The following CPPED1 variants were observed in gnomAD, a reference collection of about 807,000 sequenced individuals.
CPPED1 encodes the protein calcineurin like phosphoesterase domain containing 1, also known as serine/threonine-protein phosphatase CPPED1.
A neutral mutation model predicts 28.0 loss-of-function variants in CPPED1; 28 were observed. The observed-to-expected ratio is 1.00, with a 90% CI of 0.74 to 1.37. The LOEUF (loss-of-function observed/expected upper bound fraction) is 1.37. Among genes scored for constraint, CPPED1 ranks in the 40% most tolerant of loss-of-function variants. CPPED1 has a pLI of 0.00. For missense variants in CPPED1, 504 were observed against 416.5 expected (o/e 1.21, Z -1.83); for synonymous variants, 198 against 180.2 (o/e 1.10, Z -0.79).
chr16:12,696,859 T>C (rs1242714928), intron 3 of CPPED1, among the ~76,000 whole-genome samples: 1 of 152,072 alleles, frequency 6.6e-6, no homozygotes, highest in Non-Finnish European at 1.5e-5. Context: ...AAATGTTTAG[T>C]GGCTTATCCC....
chr16:12,747,374 G>A (rs2080296522), intron 2 of CPPED1, among the ~76,000 whole-genome samples: 1 of 151,918 alleles, frequency 6.6e-6, no homozygotes, highest in Non-Finnish European at 1.5e-5. Context: ...TGATGCTGCA[G>A]GGAGCCATGA....
At chr16:12,750,369 A>C (rs949626450) in intron 2 of CPPED1, among the ~76,000 whole-genome samples, 1 of 152,154 alleles carries the variant, frequency 6.6e-6, no homozygotes, top group Non-Finnish European at 1.5e-5. Flanking sequence ...TCTTCCTTTC[A>C]TTTGAACGCT....
intron 2 of CPPED1, among the ~76,000 whole-genome samples, chr16:12,772,026 G>A (rs917954518): frequency 1.3e-5 from 2 of 152,172 alleles, no homozygotes; most frequent in East Asian, 1.9e-4. Context: ...GGGAGGCTGA[G>A]GCAGGAGAAT....
intron 2 of CPPED1, among the ~76,000 whole-genome samples, chr16:12,766,330 A>G (rs1303301373): frequency 6.6e-6 from 1 of 151,278 alleles, no homozygotes. Context: ...GTATTAGTAC[A>G]TTTTTGTGCT....
At chr16:12,781,642 C>A (rs151264546) in intron 1 of CPPED1, among the ~76,000 whole-genome samples, 1 of 152,236 alleles carries the variant, frequency 6.6e-6, no homozygotes, top group African/African-American at 2.4e-5. Context: ...GCTTCTGCAG[C>A]CACACCACCA....
intron 2 of CPPED1, among the ~76,000 whole-genome samples, chr16:12,776,015 ATGGCAAAAGGGGAATC>A: frequency 6.6e-6 from 1 of 152,328 alleles, no homozygotes; most frequent in South Asian, 2.1e-4. Flanking sequence ...GCTACCTTAT[ATGGCAAAAGGGGAATC>A]TGCAGATGGG....
chr16:12,797,594 A>G (rs1012266405), intron 1 of CPPED1, among the ~76,000 whole-genome samples: 1 of 152,026 alleles, frequency 6.6e-6, no homozygotes, highest in Non-Finnish European at 1.5e-5. Context: ...AGTGGCTCAC[A>G]CCTGTAATCC....
chr16:12,755,548 G>A (rs562090046), intron 2 of CPPED1, among the ~76,000 whole-genome samples: 14 of 151,672 alleles, frequency 9.2e-5, no homozygotes, highest in Non-Finnish European at 1.9e-4. Context: ...CTCTCAACAT[G>A]CTAGGATTAC....
rs190580281 is a variant in CPPED1, at chr16:12,777,360, G to A, written c.289+3825C>T. On this transcript the variant is annotated intron_variant, in intron 2 of 3. Transcript: ENST00000381774. ...ATGTTCTGATTTGTCAGCTTCACAC[G>A]TAATTGCTGAAATCTAACAAGGCTT... Among the ~76,000 whole-genome samples, 60 of 152,268 alleles carry A rather than the reference G, an allele frequency of 3.9e-4. No homozygotes were observed. The Middle Eastern group carries it at 0.01, about 26-fold the overall frequency.
intron 2 of CPPED1, among the ~76,000 whole-genome samples, chr16:12,780,320 C>T (rs938899060): frequency 1.3e-5 from 2 of 152,100 alleles, no homozygotes; most frequent in African/African-American, 4.8e-5. Context: ...ACTGGGACTA[C>T]ATGCACCACC....
chr16:12,760,755 G>A (rs2080404544), intron 2 of CPPED1: 1 of 152,172 alleles, frequency 6.6e-6, no homozygotes, highest in African/African-American at 2.4e-5. Context: ...ACATCTTTGA[G>A]TACTGCTGCC....
chr16:12,704,725 T>G lies in CPPED1; in HGVS notation c.614A>C (p.His205Pro). The G allele has an allele frequency of 1.2e-6, 2 of 1,614,226 alleles. No individual in the cohort carries two copies. Among genetic ancestry groups the G allele is most frequent in the Non-Finnish European group, 1.7e-6 (2 of 1,180,030 alleles). The change falls in exon 3 of 4, where the codon CAC becomes CCC. Residue 205 changes from histidine (H) to proline (P), a missense_variant. Coordinates refer to ENST00000381774, the MANE Select transcript of CPPED1 (RefSeq NM_018340.3). Reference sequence around the variant, plus strand: ...GATGCTCTCCAGGAACAGCGGGATGTGCTGGAAGACGATGGCATGCTGGCA... The same window carrying G: ...GATGCTCTCCAGGAACAGCGGGATGGGCTGGAAGACGATGGCATGCTGGCA... ...RHCQHAIVFQ[H>P]IPLFLESIDE...
In CPPED1 at chr16:12,660,497, A is replaced by ATATGTGTGTGTGTG. The variant is rs370298107; in HGVS notation, c.*4388_*4389insCACACACACACATA. 1.4e-5 allele frequency: 2 copies of ATATGTGTGTGTGTG among 145,426 alleles called. No individual in the cohort carries two copies. Among genetic ancestry groups the ATATGTGTGTGTGTG allele is most frequent in the African/African-American group, 5.0e-5 (2 of 39,800 alleles). 9.0% of individuals were successfully genotyped at this position (145,426 alleles called of 1,614,324 possible). On this transcript the variant is annotated 3_prime_UTR_variant, in exon 4 of 4. Transcript: ENST00000381774. ...GAAAAGAATCCTCCACTTTTACTAT[A>ATATGTGTGTGTGTG]TGTGTGTGTGTGTGTGTGTGTGTGT...
chr16:12,746,133 G>T (rs1352551941), intron 2 of CPPED1, among the ~76,000 whole-genome samples: 1 of 152,152 alleles, frequency 6.6e-6, no homozygotes, highest in East Asian at 1.9e-4. Context: ...CCAACACTTT[G>T]GGAGACTGAG....
chr16:12,725,318 C>G (rs527748400), intron 2 of CPPED1, among the ~76,000 whole-genome samples: 34 of 152,320 alleles, frequency 2.2e-4, no homozygotes, highest in Non-Finnish European at 4.6e-4. Context: ...TGGTCTCGAA[C>G]TCCTGACCTC....
intron 2 of CPPED1, among the ~76,000 whole-genome samples, chr16:12,755,278 A>ATTTT (rs2080357977): frequency 1.9e-5 from 2 of 102,754 alleles, no homozygotes; most frequent in African/African-American, 6.9e-5. Flanking sequence ...TACAGTATGC[A>ATTTT]TTCTTTTTTT....
intron 1 of CPPED1, among the ~76,000 whole-genome samples, chr16:12,785,984 C>T (rs1435950534): frequency 1.3e-5 from 2 of 151,686 alleles, no homozygotes; most frequent in African/African-American, 4.8e-5. Context: ...TTTTTTCCCC[C>T]TACCTTTCCT....
At chr16:12,666,800 A>G (rs1292391931) in intron 3 of CPPED1, among the ~76,000 whole-genome samples, 1 of 152,210 alleles carries the variant, frequency 6.6e-6, no homozygotes, top group Non-Finnish European at 1.5e-5. Context: ...TTTTAATATA[A>G]TCTATTTAAT....
At chr16:12,706,025 T>C (rs1161496326) in intron 2 of CPPED1, among the ~76,000 whole-genome samples, 1 of 152,212 alleles carries the variant, frequency 6.6e-6, no homozygotes, top group Admixed American at 6.5e-5. Flanking sequence ...TTACTTTTAG[T>C]TACATTGTTA....
Sources: gnomAD v4.1 joint callset for allele counts (sites outside exome capture counted in the v4.1 genomes callset) on GRCh38, gnomAD v4.1.1 for gene constraint, MANE v1.5 for transcripts, NCBI Gene and HGNC (gene_info 2026-07-23, HGNC 2026-07-21) for gene names.